Variants in KCNQ1 observed in about 807,000 individuals in gnomAD.
KCNQ1 encodes potassium voltage-gated channel subfamily Q member 1.
A neutral mutation model predicts 72.4 loss-of-function variants in KCNQ1; 49 were observed. The observed-to-expected ratio is 0.68, with a 90% CI of 0.54 to 0.86. KCNQ1 has a LOEUF of 0.86. Ranked by LOEUF, KCNQ1 falls within the 40% of genes least tolerant of loss-of-function variation. KCNQ1 has a pLI of 0.00. For missense variants in KCNQ1, 790 were observed against 945.1 expected, an observed-to-expected ratio of 0.84 and a Z score of 2.15; for synonymous variants, 450 against 412.6, an observed-to-expected ratio of 1.09 and a Z score of -1.10.
Position 2,538,783 on chromosome 11 carries a change from A to T in KCNQ1, c.477+10765A>T, listed in dbSNP as rs1315638602. 7.0e-6 allele frequency among the ~76,000 whole-genome samples: 1 copy of T among 142,510 alleles called. No individual in the cohort carries two copies. Among genetic ancestry groups the T allele is most frequent in the Non-Finnish European group, 1.5e-5 (1 of 65,974 alleles). 93.5% of individuals were successfully genotyped at this position (142,510 alleles called of 152,430 possible). ...ATCTTCTGCAGGCCAGAATTGTCAT[A>T]TATATCAAGTTTGTTCAGAACAAGA... On this transcript the variant is annotated intron_variant, in intron 2 of 15. Coordinates refer to ENST00000155840, the MANE Select transcript of KCNQ1 (RefSeq NM_000218.3). This position sits in a 1 kb window ranked among gnomAD's most constrained non-coding sequence, Gnocchi z 6.7.
At chr11:2,629,637 T>A in intron 10 of KCNQ1, 1 of 398,542 alleles carries the variant, frequency 2.5e-6, no homozygotes, top group Non-Finnish European at 4.4e-6. Flanking sequence ...AATCATGCGT[T>A]CATATATGAA....
intron 3 of KCNQ1, 79 bp from the exon 4 acceptor site, chr11:2,571,246 C>A: frequency 1.7e-6 from 2 of 1,205,276 alleles, no homozygotes; most frequent in Non-Finnish European, 2.5e-6. Context: ...CTTCCCCAGA[C>A]GAGAGCAGGG....
intron 2 of KCNQ1, among the ~76,000 whole-genome samples, chr11:2,540,607 G>A (rs1477109645): frequency 6.6e-6 from 1 of 152,262 alleles, no homozygotes; most frequent in East Asian, 1.9e-4. Flanking sequence ...CTGGCCTCAG[G>A]AGGAGTGGAT....
At position 2,658,826 on chromosome 11, in the gene KCNQ1, T is replaced by C. The variant is rs1190920181; in HGVS notation, c.1394-3135T>C. ...CCCCCACAACTTATTTATAGCTTTT[T>C]CTCTGACAGCTAGAAACCTGGCTCC... On this transcript the variant is annotated intron_variant, in intron 10 of 15. Transcript: ENST00000155840. This position sits in a 1 kb window ranked among gnomAD's most constrained non-coding sequence, Gnocchi z 4.9. The C allele has an allele frequency of 2.5e-6, 1 of 398,628 alleles. No individual in the cohort carries two copies. 24.7% of individuals were successfully genotyped at this position (398,628 alleles called of 1,614,324 possible).
At chr11:2,791,003 TTC>T (rs1847010700) in intron 15 of KCNQ1, among the ~76,000 whole-genome samples, 3 of 152,256 alleles carry the variant, frequency 2.0e-5, no homozygotes, top group Admixed American at 2.0e-4. Context: ...CTTGGGGTGT[TTC>T]TCTCTTAGCC....
Position 2,488,581 on chromosome 11 carries a change from A to G in KCNQ1, c.387-39347A>G, listed in dbSNP as rs1846780253. ...TATTTCTTTGTGATTTAGTTTTGGT[A>G]GGTTTCGTGTTTCTCAGAATTTGTC... On this transcript the variant is annotated intron_variant, in intron 1 of 15. Coordinates refer to ENST00000155840, the MANE Select transcript of KCNQ1 (RefSeq NM_000218.3). The surrounding 1 kb of genome is among the most constrained non-coding windows in gnomAD (Gnocchi z 5.1). 6.6e-6 allele frequency among the ~76,000 whole-genome samples: 1 copy of G among 152,158 alleles called. No individual in the cohort carries two copies. The highest frequency in any genetic ancestry group is 2.4e-5 in the African/African-American group (1 of 41,434).
intron 1 of KCNQ1, among the ~76,000 whole-genome samples, chr11:2,455,962 A>T (rs1229997424): frequency 1.3e-5 from 2 of 152,248 alleles, no homozygotes; most frequent in Non-Finnish European, 2.9e-5. Flanking sequence ...TTCATATTCA[A>T]TAATGGCACA....
At chr11:2,688,263 G>A (rs879634399) in intron 11 of KCNQ1, 5 of 398,568 alleles carry the variant, frequency 1.3e-5, no homozygotes, top group African/African-American at 4.1e-5. Flanking sequence ...AGAGGGAGGC[G>A]CCATGACCTC....
Position 2,653,111 on chromosome 11 carries a change from T to C in KCNQ1, c.1394-8850T>C. The C allele has an allele frequency of 2.5e-6, 1 of 398,688 alleles. No individual in the cohort carries two copies. The highest frequency in any genetic ancestry group is 4.4e-6 in the Non-Finnish European group (1 of 226,098). 24.7% of individuals were successfully genotyped at this position (398,688 alleles called of 1,614,324 possible). A position where few individuals can be genotyped will look rare whatever the true frequency, so the allele number is the denominator to read the frequency against. On this transcript the variant is annotated intron_variant, in intron 10 of 15. Coordinates refer to ENST00000155840, the MANE Select transcript of KCNQ1 (RefSeq NM_000218.3). This position sits in a 1 kb window ranked among gnomAD's most constrained non-coding sequence, Gnocchi z 5.3. ...GTGTGGAGAGAGGCTCACTGAAGGT[T>C]TGGGGAGATGAGGACTTGCATCACA...
intron 13 of KCNQ1, 128 bp from the exon 14 acceptor site, chr11:2,776,858 G>C: frequency 1.1e-6 from 1 of 901,232 alleles, no homozygotes; most frequent in South Asian, 1.4e-5. Context: ...AGGGTCGGGG[G>C]TGTCCCCAGA....
intron 11 of KCNQ1, chr11:2,681,597 C>A: frequency 5.0e-6 from 2 of 398,462 alleles, no homozygotes; most frequent in Non-Finnish European, 8.8e-6. Flanking sequence ...AGCTTGCTTG[C>A]TCACTCGCTC....
At position 2,544,294 on chromosome 11, in the gene KCNQ1, G is replaced by GTGTATATATGTA. The variant is rs1847870940; in HGVS notation, c.477+16277_477+16278insGTATATATGTAT. Reference sequence around the variant, plus strand: ...TGTATATATATGTGTATATATATATGTATATATGTGTATATATGTATATAT... The same window carrying GTGTATATATGTA: ...TGTATATATATGTGTATATATATATGTGTATATATGTATATATATGTGTATATATGTATATAT... On this transcript the variant is annotated intron_variant, in intron 2 of 15. Coordinates refer to ENST00000155840, the MANE Select transcript of KCNQ1 (RefSeq NM_000218.3). This position sits in a 1 kb window ranked among gnomAD's most constrained non-coding sequence, Gnocchi z 4.4. Among the ~76,000 whole-genome samples the GTGTATATATGTA allele has an allele frequency of 5.6e-5, 6 of 106,648 alleles. No homozygotes were observed. The highest frequency in any genetic ancestry group is 2.8e-4 in the African/African-American group (6 of 21,166). 70.0% of individuals were successfully genotyped at this position (106,648 alleles called of 152,430 possible). A position where few individuals can be genotyped will look rare whatever the true frequency, so the allele number is the denominator to read the frequency against.
chr11:2,794,208 A>G (rs543842126), intron 15 of KCNQ1, among the ~76,000 whole-genome samples: 12 of 152,242 alleles, frequency 7.9e-5, no homozygotes, highest in African/African-American at 2.6e-4. Context: ...AGCACTTTGG[A>G]CTAGGGTGGA....
chr11:2,743,476 C>T (rs1846089416), intron 11 of KCNQ1, among the ~76,000 whole-genome samples: 1 of 152,216 alleles, frequency 6.6e-6, no homozygotes, highest in Non-Finnish European at 1.5e-5. Context: ...AGTTTGCCTG[C>T]CGGCTGTTGC....
chr11:2,573,193 G>C (rs1014980675), intron 6 of KCNQ1, among the ~76,000 whole-genome samples: 1 of 152,200 alleles, frequency 6.6e-6, no homozygotes, highest in African/African-American at 2.4e-5. Context: ...TCACCATCTT[G>C]AAGTTCTGAA....
rs575703925 is a variant in KCNQ1, at chr11:2,827,546, C to T, written c.1795-20221C>T. 2.1e-3 allele frequency among the ~76,000 whole-genome samples: 310 copies of T among 150,706 alleles called. 1 individual carries two copies. Among genetic ancestry groups the T allele is most frequent in the Middle Eastern group, 0.014 (4 of 292 alleles). ...GCCGGAATGTGACGCACGCCTGAGT[C>T]GCTGCAAGGGCCCCTGGGGACGGAG... On this transcript the variant is annotated intron_variant, in intron 15 of 15. Coordinates refer to ENST00000155840, the MANE Select transcript of KCNQ1 (RefSeq NM_000218.3). The surrounding 1 kb of genome is among the most constrained non-coding windows in gnomAD (Gnocchi z 6.7).
chr11:2,681,916 G>A (rs748147557), intron 11 of KCNQ1: 6 of 398,474 alleles, frequency 1.5e-5, no homozygotes, highest in African/African-American at 6.2e-5. Flanking sequence ...ATGAACACAC[G>A]TTTAGGCTGA....
In KCNQ1 at chr11:2,482,071, G is replaced by A. The variant is rs573735309; in HGVS notation, c.386+36587G>A. On this transcript the variant is annotated intron_variant, in intron 1 of 15. Transcript: ENST00000155840. This position sits in a 1 kb window ranked among gnomAD's most constrained non-coding sequence, Gnocchi z 5.7. ...GCCTCAGTTTCTTCATCTCTGAAAC[G>A]GGAACGATGGGAGCCCTCACCTCGT... Among the ~76,000 whole-genome samples, 29 of 152,220 alleles carry A rather than the reference G, an allele frequency of 1.9e-4. No homozygotes were observed. Among genetic ancestry groups the A allele is most frequent in the African/African-American group, 5.8e-4 (24 of 41,536 alleles).
chr11:2,491,958 T>C lies in KCNQ1; in HGVS notation c.387-35970T>C, dbSNP rs1284403156. ...GGAAAAAAAAGAAAAAAACTTTTGC[T>C]CTAGAATAGTATATCTGGTGAAAAT... On this transcript the variant is annotated intron_variant, in intron 1 of 15. Coordinates refer to ENST00000155840, the MANE Select transcript of KCNQ1 (RefSeq NM_000218.3). The surrounding 1 kb of genome is among the most constrained non-coding windows in gnomAD (Gnocchi z 4.1). Among the ~76,000 whole-genome samples the C allele has an allele frequency of 1.3e-5, 2 of 152,134 alleles. No individual in the cohort carries two copies. Among genetic ancestry groups the C allele is most frequent in the Non-Finnish European group, 2.9e-5 (2 of 68,024 alleles).
Sources: gnomAD v4.1 joint callset for allele counts (sites outside exome capture counted in the v4.1 genomes callset) on GRCh38, gnomAD v4.1.1 for gene constraint, Gnocchi (gnomAD v3.1) non-coding constraint, MANE v1.5 for transcripts, NCBI Gene and HGNC (gene_info 2026-07-23, HGNC 2026-07-21) for gene names.